MBP: variants seen among roughly 807,000 people sequenced by gnomAD.
MBP encodes myelin basic protein.
In MBP, 16 loss-of-function variants were observed where a neutral mutation model predicts 35.8. That is an observed-to-expected ratio of 0.45 (90% CI 0.30 to 0.68). The LOEUF (loss-of-function observed/expected upper bound fraction) is 0.68. Ranked by LOEUF, MBP falls within the 30% of genes least tolerant of loss-of-function variation. MBP has a pLI of 0.08. For missense variants in MBP, 380 were observed against 404.7 expected, an observed-to-expected ratio of 0.94 and a Z score of 0.52; for synonymous variants, 143 against 159.6, an observed-to-expected ratio of 0.90 and a Z score of 0.78.
chr18:76,982,246 C>CTTCT (rs1225814793), intron 8 of MBP: 4 of 152,298 alleles, frequency 2.6e-5, no homozygotes, highest in African/African-American at 9.6e-5. Flanking sequence ...AACAGTCACG[C>CTTCT]TTCTCTCTAT....
chr18:76,989,812 G>C lies in MBP; in HGVS notation c.681+144C>G. 1 of 670,778 alleles carries C rather than the reference G, an allele frequency of 1.5e-6. No homozygotes were observed. The highest frequency in any genetic ancestry group is 1.8e-5 in the South Asian group (1 of 56,498). 41.6% of individuals were successfully genotyped at this position (670,778 alleles called of 1,614,324 possible). ...CCTGGAACTCGCGATCAGGTGCGAG[G>C]GGGGAGTTCCCCGGCCGGCCTCACC... On this transcript the variant is annotated intron_variant, in intron 5 of 8. Coordinates refer to ENST00000355994, the MANE Select transcript of MBP (RefSeq NM_001025101.2). This position sits in a 1 kb window ranked among gnomAD's most constrained non-coding sequence, Gnocchi z 4.0.
chr18:77,067,301 T>C (rs1464210623), intron 2 of MBP, among the ~76,000 whole-genome samples: 1 of 152,258 alleles, frequency 6.6e-6, no homozygotes, highest in Non-Finnish European at 1.5e-5. Flanking sequence ...GACACATGGG[T>C]ATTCTTTTCC....
intron 4 of MBP, among the ~76,000 whole-genome samples, chr18:77,007,422 C>T (rs1971050591): frequency 6.6e-6 from 1 of 152,194 alleles, no homozygotes. Flanking sequence ...TCTGTGTGCA[C>T]CTCCTGCAGA....
rs1976097335 is a variant in MBP, at chr18:77,102,938, A to G, written c.51+2273T>C. 6.6e-6 allele frequency among the ~76,000 whole-genome samples: 1 copy of G among 152,254 alleles called. No individual in the cohort carries two copies. Among genetic ancestry groups the G allele is most frequent in the African/African-American group, 2.4e-5 (1 of 41,470 alleles). ...TTTATGGTTGTTATTGCTAATTATA[A>G]TGCTGACATTATCAGTAATACAGTT... On this transcript the variant is annotated intron_variant, in intron 2 of 8. Coordinates refer to ENST00000355994, the MANE Select transcript of MBP (RefSeq NM_001025101.2). This position sits in a 1 kb window ranked among gnomAD's most constrained non-coding sequence, Gnocchi z 4.4.
chr18:77,131,073 GCGCA>G lies in MBP; in HGVS notation c.-26+1503_-26+1506del, dbSNP rs753819106. 3.0e-4 allele frequency among the ~76,000 whole-genome samples: 11 copies of G among 37,146 alleles called. No homozygotes were observed. The highest frequency in any genetic ancestry group is 6.0e-4 in the African/African-American group (8 of 13,424). The allele number at this position is 37,146 out of a possible 152,430, so 24.4% of individuals were successfully genotyped here. On this transcript the variant is annotated intron_variant, in intron 1 of 8. Coordinates refer to ENST00000355994, the MANE Select transcript of MBP (RefSeq NM_001025101.2). The surrounding 1 kb of genome is among the most constrained non-coding windows in gnomAD (Gnocchi z 5.5). The stretch of plus-strand genomic sequence containing the variant: ...CTCAAAAAACAAAACACACACACGC[GCGCA>G]CGCACGCGCACACACACACACACAC...
intron 2 of MBP, among the ~76,000 whole-genome samples, chr18:77,080,649 T>C (rs1974854274): frequency 6.6e-6 from 1 of 152,216 alleles, no homozygotes; most frequent in South Asian, 2.1e-4. Flanking sequence ...CTTGGTGGCA[T>C]CACAGTTTTC....
At chr18:77,110,615 A>G (rs977517835) in intron 1 of MBP, 4 of 152,158 alleles carry the variant, frequency 2.6e-5, no homozygotes, top group Non-Finnish European at 5.9e-5. Context: ...CCTGGCAGGG[A>G]CTACATTTCC....
chr18:77,000,350 T>A (rs938327212), intron 4 of MBP, among the ~76,000 whole-genome samples: 1 of 152,196 alleles, frequency 6.6e-6, no homozygotes, highest in African/African-American at 2.4e-5. Context: ...GACACACTGT[T>A]TTCTTCATCT....
At chr18:77,025,327 C>A (rs548050733) in intron 3 of MBP, among the ~76,000 whole-genome samples, 2 of 152,310 alleles carry the variant, frequency 1.3e-5, no homozygotes, top group East Asian at 3.9e-4. Flanking sequence ...GAGGGCTGAC[C>A]AGGAGAGACC....
chr18:77,106,106 C>T (rs1976267335), intron 1 of MBP, among the ~76,000 whole-genome samples: 1 of 152,156 alleles, frequency 6.6e-6, no homozygotes, highest in Non-Finnish European at 1.5e-5. Flanking sequence ...ACATGTTTTC[C>T]ATGATGGATG....
At chr18:77,001,335 G>C (rs1264533386) in intron 4 of MBP, among the ~76,000 whole-genome samples, 1 of 152,224 alleles carries the variant, frequency 6.6e-6, no homozygotes, top group African/African-American at 2.4e-5. Context: ...AGATACACGG[G>C]TGTAGATACA....
intron 3 of MBP, among the ~76,000 whole-genome samples, chr18:77,026,428 T>A (rs1026138280): frequency 7.2e-5 from 11 of 152,090 alleles, no homozygotes; most frequent in African/African-American, 2.7e-4. Context: ...AACGCAGAAA[T>A]CACCTTCTCC....
intron 3 of MBP, chr18:77,066,072 G>C (rs141401885): frequency 6.2e-6 from 3 of 486,548 alleles, no homozygotes; most frequent in South Asian, 7.7e-5. Flanking sequence ...TGTGTTGCCC[G>C]GGCTGGTCTT....
rs1200635479 is a variant in MBP, at chr18:76,988,419, A to G, written c.750+76T>C. The G allele has an allele frequency of 1.2e-6, 2 of 1,614,180 alleles. No individual in the cohort carries two copies. Among genetic ancestry groups the G allele is most frequent in the Admixed American group, 1.7e-5 (1 of 60,030 alleles). On this transcript the variant is annotated intron_variant, in intron 7 of 8. Transcript: ENST00000355994. The surrounding 1 kb of genome is among the most constrained non-coding windows in gnomAD (Gnocchi z 5.2). ...GGAGGCCAGGAAGCAACCGAAACAG[A>G]GCAGAACACAAAAGTTGCGGGGCTG... is the stretch of plus-strand genomic sequence containing the variant.
At chr18:77,119,168 C>A (rs540548149) in intron 1 of MBP, among the ~76,000 whole-genome samples, 3 of 152,020 alleles carry the variant, frequency 2.0e-5, no homozygotes, top group Admixed American at 1.3e-4. Flanking sequence ...TTGCCCCAGC[C>A]CAGAACAGGC....
intron 2 of MBP, among the ~76,000 whole-genome samples, chr18:77,100,243 G>T (rs1034026687): frequency 6.6e-6 from 1 of 152,160 alleles, no homozygotes; most frequent in African/African-American, 2.4e-5. Context: ...ACAGAGAGAC[G>T]ACCACTGGAG....
intron 2 of MBP, chr18:77,093,418 T>C (rs931707393): frequency 6.6e-6 from 1 of 152,268 alleles, no homozygotes; most frequent in Non-Finnish European, 1.5e-5. Flanking sequence ...CACCCCATTA[T>C]TTTTAATAAA....
intron 3 of MBP, among the ~76,000 whole-genome samples, chr18:77,039,360 C>T (rs1372758251): frequency 6.6e-6 from 1 of 152,184 alleles, no homozygotes; most frequent in Non-Finnish European, 1.5e-5. Flanking sequence ...ACTCAGAAGT[C>T]AGATTTTTGT....
At chr18:77,078,654 G>T (rs1469535094) in intron 2 of MBP, among the ~76,000 whole-genome samples, 2 of 152,246 alleles carry the variant, frequency 1.3e-5, no homozygotes, top group African/African-American at 4.8e-5. Flanking sequence ...ATGAGGACTT[G>T]AGCTGTGGAC....
Sources: gnomAD v4.1 joint callset for allele counts (sites outside exome capture counted in the v4.1 genomes callset) on GRCh38, gnomAD v4.1.1 for gene constraint, Gnocchi (gnomAD v3.1) non-coding constraint, MANE v1.5 for transcripts, NCBI Gene and HGNC (gene_info 2026-07-23, HGNC 2026-07-21) for gene names.